ASXL3: variants seen among roughly 807,000 people sequenced by gnomAD.
ASXL3 encodes the protein putative Polycomb group protein ASXL3.
A neutral mutation model predicts 170.6 loss-of-function variants in ASXL3; 34 were observed. The ratio of observed to expected loss-of-function variants is 0.20; its 90% CI spans 0.15 to 0.27. The LOEUF is 0.27. Among genes scored for constraint, ASXL3 ranks in the 10% least tolerant of loss-of-function variants. ASXL3 has a pLI of 1.00. For synonymous variants in ASXL3, 1,002 were observed against 989.1 expected, an observed-to-expected ratio of 1.01 and a Z score of -0.24; for missense variants, 2,592 against 2,695.3, an observed-to-expected ratio of 0.96 and a Z score of 0.85.
Position 33,681,775 on chromosome 18 carries a change from TA to T in ASXL3, c.716-1626del, listed in dbSNP as rs539725303. ...GCCTCTCTGCAATCTGTGTTTTTTTTAAAATTCAGAAACTTCTATAAATATG... is the reference window on the plus strand; with the variant it reads ...GCCTCTCTGCAATCTGTGTTTTTTTTAAATTCAGAAACTTCTATAAATATG... On this transcript the variant is annotated intron_variant, in intron 7 of 11. Transcript: ENST00000269197. Among the ~76,000 whole-genome samples the T allele has an allele frequency of 6.0e-3, 918 of 152,024 alleles. 11 individuals are homozygous for T. The highest frequency in any genetic ancestry group is 0.021 in the African/African-American group (851 of 41,488).
chr18:33,665,580 G>GT (rs1160039601), intron 5 of ASXL3, among the ~76,000 whole-genome samples: 6 of 152,172 alleles, frequency 3.9e-5, no homozygotes, highest in South Asian at 2.1e-4. Context: ...CATTGCTTGT[G>GT]TTTTTTTGTT....
Position 33,745,751 on chromosome 18 carries a change from A to G in ASXL3, c.5903A>G (p.Glu1968Gly), listed in dbSNP as rs1318756112. ...CNAFAFNRHLEQKGLGEVSLS... is the reference protein window; with the variant it reads ...CNAFAFNRHLGQKGLGEVSLS... Reference sequence around the variant, plus strand: ...GCATTTGCCTTCAACAGGCATCTTGAACAGAAGGGATTGGGAGAGGTTAGT... The same window carrying G: ...GCATTTGCCTTCAACAGGCATCTTGGACAGAAGGGATTGGGAGAGGTTAGT... Residue 1968 changes from glutamate (E) to glycine (G), a missense_variant, in exon 12 of 12, where the codon GAA (glutamate) becomes GGA (glycine). Physicochemically the swap from Glu to Gly is moderately conservative, Grantham distance 98. This residue lies in a region of ASXL3 where 2,246 missense variants were observed against 2,219.6 expected (regional missense o/e 1.01). Coordinates refer to ENST00000269197, the MANE Select transcript of ASXL3 (RefSeq NM_030632.3). 24 of 1,613,842 alleles carry G rather than the reference A, an allele frequency of 1.5e-5. No individual in the cohort carries two copies. The highest frequency in any genetic ancestry group is 2.0e-5 in the Non-Finnish European group (24 of 1,179,884).
chr18:33,699,724 T>A (rs1259589638), intron 8 of ASXL3, among the ~76,000 whole-genome samples: 1 of 152,094 alleles, frequency 6.6e-6, no homozygotes, highest in Non-Finnish European at 1.5e-5. Context: ...GAGCATTAGA[T>A]CTTCGAATTT....
At chr18:33,711,362 T>C (rs1246980399) in intron 8 of ASXL3, among the ~76,000 whole-genome samples, 3 of 152,348 alleles carry the variant, frequency 2.0e-5, no homozygotes, top group Middle Eastern at 3.4e-3. Context: ...GCCTTAAAGT[T>C]GCTTTAAAAA....
chr18:33,630,863 T>A (rs2065666709), intron 2 of ASXL3, among the ~76,000 whole-genome samples: 1 of 152,048 alleles, frequency 6.6e-6, no homozygotes, highest in Non-Finnish European at 1.5e-5. Context: ...AACATGTAAT[T>A]TTTTTACATT....
chr18:33,722,058 C>T (rs530423719), intron 8 of ASXL3, among the ~76,000 whole-genome samples: 20 of 152,126 alleles, frequency 1.3e-4, no homozygotes, highest in Admixed American at 3.9e-4. Context: ...CCTCATAAGA[C>T]AGTGAACTTA....
At chr18:33,601,785 G>GTTTA (rs376654969) in intron 1 of ASXL3, among the ~76,000 whole-genome samples, 2 of 103,896 alleles carry the variant, frequency 1.9e-5, no homozygotes, top group Non-Finnish European at 4.5e-5. Flanking sequence ...ATATCTGATT[G>GTTTA]TATATATATA....
chr18:33,646,421 C>A, intron 4 of ASXL3, 68 bp downstream of exon 4: 1 of 1,138,586 alleles, frequency 8.8e-7, no homozygotes, highest in Non-Finnish European at 1.3e-6. Context: ...GCCAATGATT[C>A]ATTAATTGAA....
chr18:33,581,514 G>A (rs2064992346), intron 1 of ASXL3, among the ~76,000 whole-genome samples: 1 of 138,648 alleles, frequency 7.2e-6, no homozygotes, highest in Non-Finnish European at 1.6e-5. Flanking sequence ...TTTCTTGAAA[G>A]ATAGGACATC....
chr18:33,713,556 G>A (rs1306794271), intron 8 of ASXL3, among the ~76,000 whole-genome samples: 1 of 151,978 alleles, frequency 6.6e-6, no homozygotes, highest in Non-Finnish European at 1.5e-5. Context: ...TGCCCGGCCT[G>A]AGCTTTCATT....
At chr18:33,600,180 A>G (rs1225637521) in intron 1 of ASXL3, among the ~76,000 whole-genome samples, 3 of 152,162 alleles carry the variant, frequency 2.0e-5, no homozygotes, top group African/African-American at 7.2e-5. Flanking sequence ...CTAAGGATCT[A>G]TTAGTCTGGA....
At chr18:33,713,957 T>C (rs1052384487) in intron 8 of ASXL3, among the ~76,000 whole-genome samples, 6 of 152,166 alleles carry the variant, frequency 3.9e-5, no homozygotes, top group African/African-American at 1.4e-4. Flanking sequence ...TGGTCTCAAG[T>C]CATCATAGTG....
chr18:33,631,688 G>T (rs1358764236), intron 2 of ASXL3, among the ~76,000 whole-genome samples: 1 of 152,054 alleles, frequency 6.6e-6, no homozygotes, highest in African/African-American at 2.4e-5. Context: ...TTGCACATTT[G>T]AATCATTTGG....
At chr18:33,707,157 T>C (rs553183531) in intron 8 of ASXL3, among the ~76,000 whole-genome samples, 78 of 152,120 alleles carry the variant, frequency 5.1e-4, no homozygotes, top group African/African-American at 1.9e-3. Context: ...TAGCTTGATA[T>C]CTTGTAGAGG....
intron 2 of ASXL3, among the ~76,000 whole-genome samples, chr18:33,619,365 A>G (rs548547196): frequency 6.6e-6 from 1 of 152,076 alleles, no homozygotes. Flanking sequence ...TTACTCACCA[A>G]AATGAAAGTC....
chr18:33,709,257 T>A (rs2067014803), intron 8 of ASXL3, among the ~76,000 whole-genome samples: 1 of 151,514 alleles, frequency 6.6e-6, no homozygotes, highest in African/African-American at 2.4e-5. Context: ...GCATTTAAAC[T>A]CTTCCCTAGG....
intron 4 of ASXL3, among the ~76,000 whole-genome samples, chr18:33,648,091 G>C (rs921317510): frequency 6.6e-6 from 1 of 152,080 alleles, no homozygotes; most frequent in Non-Finnish European, 1.5e-5. Flanking sequence ...TGGGGGCCAG[G>C]TTATATGGTG....
intron 2 of ASXL3, among the ~76,000 whole-genome samples, chr18:33,636,346 A>AACAACC (rs1568294849): frequency 2.5e-5 from 1 of 40,182 alleles, no homozygotes; most frequent in African/African-American, 1.1e-4. Flanking sequence ...CAACAACAAC[A>AACAACC]GCCACAACAA....
rs9966958 is a variant in ASXL3, at chr18:33,690,954, G to T, written c.879+7386G>T. ...AAACTCCTCTCCAGGCCACCTCTCTGTGCTACCTCACCCCACTTGGCTCTG... is the reference window on the plus strand; with the variant it reads ...AAACTCCTCTCCAGGCCACCTCTCTTTGCTACCTCACCCCACTTGGCTCTG... On this transcript the variant is annotated intron_variant, in intron 8 of 11. Transcript: ENST00000269197. Among the ~76,000 whole-genome samples the T allele has an allele frequency of 7.3e-3, 1,114 of 152,206 alleles. 14 individuals carry two copies. Among genetic ancestry groups the T allele is most frequent in the African/African-American group, 0.026 (1,069 of 41,526 alleles).
Sources: gnomAD v4.1 joint callset for allele counts (sites outside exome capture counted in the v4.1 genomes callset) on GRCh38, gnomAD v4.1.1 for gene constraint, gnomAD v4.1.1 regional missense constraint, MANE v1.5 for transcripts, NCBI Gene and HGNC (gene_info 2026-07-23, HGNC 2026-07-21) for gene names.